NXPE2: variants seen among roughly 807,000 people sequenced by gnomAD.
NXPE2 encodes the protein neurexophilin and PC-esterase domain family member 2, also known as NXPE family member 2.
In NXPE2, 34 loss-of-function variants were observed where a neutral mutation model predicts 34.4. The observed-to-expected ratio is 0.99, with a 90% CI of 0.75 to 1.31. The LOEUF is 1.31. Among genes scored for constraint, NXPE2 ranks in the 40% most tolerant of loss-of-function variants. The probability of loss-of-function intolerance (pLI) is 0.00; values close to 1 mark genes in which losing one functional copy is unlikely to be tolerated. For synonymous variants in NXPE2, 235 were observed against 231.3 expected, an observed-to-expected ratio of 1.02 and a Z score of -0.15; for missense variants, 649 against 672.5, an observed-to-expected ratio of 0.97 and a Z score of 0.39.
the NXPE2 span, chr11:114,583,455 A>G: frequency 4.5e-6 from 3 of 666,046 alleles, no homozygotes; most frequent in Non-Finnish European, 8.5e-6. Context: ...ACCAAGTACC[A>G]CAGTGATGAC....
At chr11:114,606,743 G>T in the NXPE2 span, among the ~76,000 whole-genome samples, 6 of 151,930 alleles carry the variant, frequency 3.9e-5, no homozygotes, top group African/African-American at 1.5e-4. Flanking sequence ...CTACCTGCTG[G>T]ATAATAAGTA....
At chr11:114,528,522 T>C in the NXPE2 span, among the ~76,000 whole-genome samples, 331 of 152,344 alleles carry the variant, frequency 2.2e-3, no homozygotes, top group African/African-American at 7.8e-3. Context: ...TCATAAGCTT[T>C]ATGAAGGAAG....
chr11:114,534,333 G>GA, the NXPE2 span, among the ~76,000 whole-genome samples: 1 of 152,058 alleles, frequency 6.6e-6, no homozygotes, highest in Non-Finnish European at 1.5e-5. Context: ...CAAAGATGGG[G>GA]AAAAAACAGA....
At chr11:114,659,487 G>C in the NXPE2 span, among the ~76,000 whole-genome samples, 1 of 151,060 alleles carries the variant, frequency 6.6e-6, no homozygotes, top group Non-Finnish European at 1.5e-5. Context: ...GATTACCCTA[G>C]AGATGTGAAA....
the NXPE2 span, among the ~76,000 whole-genome samples, chr11:114,803,293 T>C: frequency 6.6e-6 from 1 of 152,220 alleles, no homozygotes; most frequent in Non-Finnish European, 1.5e-5. Flanking sequence ...ACTTACTAAC[T>C]AAAAAATGAG....
At chr11:114,710,998 A>T (rs1859600888), downstream of NXPE2, among the ~76,000 whole-genome samples, 1 of 152,170 alleles carries the variant, frequency 6.6e-6, no homozygotes, top group South Asian at 2.1e-4. Context: ...AAACTACATG[A>T]TCATCTCAAT....
chr11:114,725,994 A>ATATATATATATAT, the NXPE2 span, among the ~76,000 whole-genome samples: 662 of 87,572 alleles, frequency 7.6e-3, 38 homozygotes, highest in Non-Finnish European at 0.012. Context: ...TATATATATA[A>ATATATATATATAT]AAAGAAAAAG....
At chr11:114,736,122 C>T in the NXPE2 span, among the ~76,000 whole-genome samples, 3 of 152,042 alleles carry the variant, frequency 2.0e-5, no homozygotes, top group Admixed American at 1.3e-4. Context: ...GGAGGCAGGG[C>T]GAGATCACAG....
the NXPE2 span, among the ~76,000 whole-genome samples, chr11:114,536,170 T>G: frequency 6.6e-6 from 1 of 152,334 alleles, no homozygotes; most frequent in Non-Finnish European, 1.5e-5. Flanking sequence ...AACAACCTGC[T>G]TCTGAATGAC....
chr11:114,809,613 C>T, the NXPE2 span, among the ~76,000 whole-genome samples: 9 of 40,514 alleles, frequency 2.2e-4, no homozygotes, highest in Admixed American at 2.4e-3. Context: ...GAATAAAATA[C>T]CTAGGAATCC....
At chr11:114,566,414 A>G in the NXPE2 span, among the ~76,000 whole-genome samples, 1 of 152,164 alleles carries the variant, frequency 6.6e-6, no homozygotes, top group Admixed American at 6.6e-5. Flanking sequence ...CACAGAAACA[A>G]AGGAAAGTGA....
At chr11:114,469,090 A>G in the NXPE2 span, among the ~76,000 whole-genome samples, 16 of 150,860 alleles carry the variant, frequency 1.1e-4, no homozygotes, top group African/African-American at 3.9e-4. Flanking sequence ...TGTAAGGAGT[A>G]ATTTAAATAC....
chr11:114,793,383 G>C, the NXPE2 span, among the ~76,000 whole-genome samples: 1 of 151,968 alleles, frequency 6.6e-6, no homozygotes, highest in Non-Finnish European at 1.5e-5. Context: ...AGACATAGAA[G>C]ACAAGGCCCT....
the NXPE2 span, among the ~76,000 whole-genome samples, chr11:114,601,490 T>C: frequency 0.013 from 1,363 of 108,426 alleles, 25 homozygotes; most frequent in African/African-American, 0.045. Context: ...ATTAAATATT[T>C]ATTATATAGT....
the NXPE2 span, among the ~76,000 whole-genome samples, chr11:114,542,363 C>A: frequency 6.6e-6 from 1 of 152,058 alleles, no homozygotes. Context: ...TTTCCCAGAT[C>A]GTTCCTAAGG....
chr11:114,586,555 A>T, the NXPE2 span, among the ~76,000 whole-genome samples: 1 of 152,122 alleles, frequency 6.6e-6, no homozygotes, highest in Non-Finnish European at 1.5e-5. Context: ...TAATCCCCCC[A>T]TGTCCTCAGG....
the NXPE2 span, among the ~76,000 whole-genome samples, chr11:114,780,743 A>G: frequency 7.5e-3 from 1,136 of 152,338 alleles, 14 homozygotes; most frequent in African/African-American, 0.025. Context: ...TTATGGAGGT[A>G]TGATTTCAGC....
At chr11:114,665,958 G>A in the NXPE2 span, among the ~76,000 whole-genome samples, 3 of 152,148 alleles carry the variant, frequency 2.0e-5, no homozygotes, top group African/African-American at 7.2e-5. Context: ...CAAGTGAGGA[G>A]ACTGAGGTAG....
chr11:114,649,131 GT>G, the NXPE2 span, among the ~76,000 whole-genome samples: 201 of 145,012 alleles, frequency 1.4e-3, no homozygotes, highest in South Asian at 2.2e-3. Context: ...AGCTTGTCAT[GT>G]TTTTTTTTTT....
Sources: allele counts gnomAD v4.1 joint callset (sites outside exome capture counted in the v4.1 genomes callset), GRCh38; gene constraint gnomAD v4.1.1; transcripts MANE v1.5; gene names NCBI Gene and HGNC (gene_info 2026-07-23, HGNC 2026-07-21).